The following PATL1 variants were observed in gnomAD, a reference collection of about 807,000 sequenced individuals.
PATL1 encodes the protein protein PAT1 homolog 1.
In PATL1, 32 loss-of-function variants were observed where a neutral mutation model predicts 100.6. That is an observed-to-expected ratio of 0.32 (90% CI 0.24 to 0.43). PATL1 has a LOEUF of 0.43. Ranked by LOEUF, PATL1 falls within the 20% of genes least tolerant of loss-of-function variation. The pLI is 1.00. For missense variants in PATL1, 747 were observed against 949.9 expected (o/e 0.79, Z 2.81); for synonymous variants, 332 against 330.0 (o/e 1.01, Z -0.07).
intron 13 of PATL1, 97 bp downstream of exon 13, chr11:59,650,656 GA>G: frequency 1.2e-6 from 1 of 828,954 alleles, no homozygotes; most frequent in Non-Finnish European, 1.9e-6. Flanking sequence ...TAAAACCAAA[GA>G]ACATTGACTG....
chr11:59,656,732 C>T (rs770735557), intron 5 of PATL1, 132 bp from the exon 6 acceptor site: 363 of 747,438 alleles, frequency 4.9e-4, no homozygotes, highest in Admixed American at 7.3e-4. Flanking sequence ...ATTGCTATGG[C>T]TACAGGTTCA....
At chr11:59,645,379 T>C (rs1003243044) in intron 15 of PATL1, among the ~76,000 whole-genome samples, 23 of 141,916 alleles carry the variant, frequency 1.6e-4, no homozygotes, top group Non-Finnish European at 2.3e-4. Context: ...GCCCCTCACT[T>C]CCCCCCCCAT....
At chr11:59,664,721 C>T (rs1436063140) in intron 2 of PATL1, among the ~76,000 whole-genome samples, 3 of 152,120 alleles carry the variant, frequency 2.0e-5, no homozygotes, top group African/African-American at 4.8e-5. Context: ...TACATACCAT[C>T]ATGCCTGGCT....
chr11:59,666,258 A>C (rs973625620), intron 2 of PATL1, among the ~76,000 whole-genome samples: 1 of 152,142 alleles, frequency 6.6e-6, no homozygotes. Context: ...AAAAGAATAA[A>C]TAAATAAATA....
rs540971666 is a variant in PATL1 at position 59,667,086 on chromosome 11, A to G, written c.16-122T>C. The G allele has an allele frequency of 1.9e-4, 267 of 1,416,186 alleles. 4 individuals carry two copies. The South Asian group carries it at 3.8e-3, about 20-fold the overall frequency. 87.7% of individuals were successfully genotyped at this position (1,416,186 alleles called of 1,614,324 possible). On this transcript the variant is annotated intron_variant, in intron 1 of 18. Transcript: ENST00000300146. ...ATTGCTTCATTATGACTTTTTGTAA[A>G]GATGGCATTTTTTTTCTACTTCCCA...
intron 2 of PATL1, among the ~76,000 whole-genome samples, chr11:59,661,005 G>A (rs891783419): frequency 2.0e-5 from 3 of 152,074 alleles, no homozygotes; most frequent in Non-Finnish European, 2.9e-5. Context: ...TACTTCCAAC[G>A]CATCTCACTC....
At chr11:59,661,227 A>G (rs1293124986) in intron 2 of PATL1, among the ~76,000 whole-genome samples, 5 of 152,136 alleles carry the variant, frequency 3.3e-5, no homozygotes, top group Non-Finnish European at 2.9e-5. Flanking sequence ...CTGGAACTAC[A>G]GGTTTGTACC....
chr11:59,648,189 T>C (rs1034579430), intron 14 of PATL1, among the ~76,000 whole-genome samples: 3 of 148,912 alleles, frequency 2.0e-5, no homozygotes, highest in Non-Finnish European at 3.0e-5. Context: ...TTTTTTCTTT[T>C]TTTTTTTTTT....
intron 15 of PATL1, 77 bp downstream of exon 15, chr11:59,647,677 G>C (rs1393702454): frequency 6.9e-7 from 1 of 1,449,648 alleles, no homozygotes; most frequent in East Asian, 2.3e-5. Flanking sequence ...GAAGAGGAGA[G>C]GAAAATAAGT....
chr11:59,662,759 A>T (rs1017555349), intron 2 of PATL1, among the ~76,000 whole-genome samples: 1 of 152,176 alleles, frequency 6.6e-6, no homozygotes, highest in African/African-American at 2.4e-5. Context: ...GTTCTAATGC[A>T]GTAGAGTTCT....
chr11:59,643,142 G>A, intron 15 of PATL1, 107 bp from the exon 16 acceptor site: 2 of 1,203,844 alleles, frequency 1.7e-6, no homozygotes, highest in Non-Finnish European at 2.3e-6. Flanking sequence ...AACCACTTAA[G>A]GCACAAGTCT....
intron 11 of PATL1, 119 bp from the exon 12 acceptor site, chr11:59,651,760 T>C: frequency 1.5e-6 from 1 of 678,462 alleles, no homozygotes; most frequent in African/African-American, 1.8e-5. Flanking sequence ...AATAACTTAC[T>C]GCAAAACTCA....
chr11:59,652,134 A>G (rs1861456649), intron 11 of PATL1, among the ~76,000 whole-genome samples: 1 of 12,320 alleles, frequency 8.1e-5, no homozygotes, highest in African/African-American at 5.3e-4. Context: ...CCCTTATCAA[A>G]ATCTATCCTT....
At position 59,649,549 on chromosome 11, in the gene PATL1, T is replaced by C; in HGVS notation, c.1646A>G (p.Glu549Gly). Residue 549 changes from glutamate (E) to glycine (G), a missense_variant, in exon 14 of 19, where the codon GAA becomes GGA. Coordinates refer to ENST00000300146, the MANE Select transcript of PATL1 (RefSeq NM_152716.3). ...YERRYLLSLEEERPALMDDRK... is the reference protein window; with the variant it reads ...YERRYLLSLEGERPALMDDRK... ...GTCATCCATTAGGGCAGGTCGCTCTTCTTCCAGACTTAGGAGATAACGTCT... is the reference window on the plus strand; with the variant it reads ...GTCATCCATTAGGGCAGGTCGCTCTCCTTCCAGACTTAGGAGATAACGTCT... 6.2e-7 allele frequency: 1 copy of C among 1,613,858 alleles called. No homozygotes were observed. Among genetic ancestry groups the C allele is most frequent in the Non-Finnish European group, 8.5e-7 (1 of 1,179,816 alleles).
At chr11:59,657,754 A>T (rs1351215249) in intron 4 of PATL1, 30 bp from the exon 5 acceptor site, 1 of 1,497,162 alleles carries the variant, frequency 6.7e-7, no homozygotes, top group Admixed American at 1.9e-5. Flanking sequence ...AATAAAATAG[A>T]AATTAACTAA....
intron 8 of PATL1, among the ~76,000 whole-genome samples, chr11:59,654,489 T>TAAA (rs528454364): frequency 9.7e-5 from 8 of 82,420 alleles, no homozygotes; most frequent in Admixed American, 2.4e-4. Flanking sequence ...TCAAAAACAT[T>TAAA]AAAAAAAAAA....
chr11:59,656,658 A>G (rs573258395), intron 5 of PATL1, 58 bp from the exon 6 acceptor site: 2 of 1,437,534 alleles, frequency 1.4e-6, no homozygotes, highest in African/African-American at 2.8e-5. Context: ...TCTTCCACCT[A>G]CACTCCCTCC....
Position 59,669,013 on chromosome 11 carries a change from G to T in PATL1, c.-118C>A. The T allele has an allele frequency of 3.9e-6, 1 of 255,688 alleles. No individual in the cohort carries two copies. Among genetic ancestry groups the T allele is most frequent in the Non-Finnish European group, 7.6e-6 (1 of 131,476 alleles). The allele number at this position is 255,688 out of a possible 1,614,324, so 15.8% of individuals were successfully genotyped here. ...CGGCTCGCGACCCCTGGCCGCCGCC[G>T]TACGCCGGAGCGTGCGTGGGGACGT... is the stretch of plus-strand genomic sequence containing the variant. On this transcript the variant is annotated 5_prime_UTR_variant, in exon 1 of 19. Coordinates refer to ENST00000300146, the MANE Select transcript of PATL1 (RefSeq NM_152716.3).
chr11:59,648,156 T>C (rs1861389138), intron 14 of PATL1, among the ~76,000 whole-genome samples: 1 of 151,276 alleles, frequency 6.6e-6, no homozygotes, highest in South Asian at 2.1e-4. Flanking sequence ...CTTGGCCAAC[T>C]GTATGCACTA....
Sources: allele counts gnomAD v4.1 joint callset (sites outside exome capture counted in the v4.1 genomes callset), GRCh38; gene constraint gnomAD v4.1.1; transcripts MANE v1.5; gene names NCBI Gene and HGNC (gene_info 2026-07-23, HGNC 2026-07-21).